CBFA2T3: variants seen among roughly 807,000 people sequenced by gnomAD.
The protein encoded by CBFA2T3 is transcriptional corepressor CBFA2T3.
CBFA2T3 carries 31 observed loss-of-function variants against 58.6 expected under a neutral mutation model. The observed-to-expected ratio is 0.53, with a 90% CI of 0.40 to 0.71. The LOEUF is 0.71. Among genes scored for constraint, CBFA2T3 ranks in the 30% least tolerant of loss-of-function variants. The pLI, the probability that CBFA2T3 is intolerant of heterozygous loss-of-function variation, is 0.00. For missense variants in CBFA2T3, 1,076 were observed against 963.1 expected, an observed-to-expected ratio of 1.12 and a Z score of -1.55; for synonymous variants, 531 against 421.9, an observed-to-expected ratio of 1.26 and a Z score of -3.17.
intron 1 of CBFA2T3, among the ~76,000 whole-genome samples, chr16:88,918,094 T>G (rs923160210): frequency 2.0e-5 from 3 of 152,126 alleles, no homozygotes; most frequent in African/African-American, 7.2e-5. Flanking sequence ...GTGCAGGAAG[T>G]GGCCCCCATG....
chr16:88,912,430 C>T (rs997282253), intron 1 of CBFA2T3, among the ~76,000 whole-genome samples: 6 of 152,222 alleles, frequency 3.9e-5, no homozygotes, highest in African/African-American at 1.4e-4. Flanking sequence ...GGCCTCAGGG[C>T]CTTGGCTCCT....
chr16:88,927,436 A>G (rs1435287657), intron 1 of CBFA2T3, among the ~76,000 whole-genome samples: 1 of 152,152 alleles, frequency 6.6e-6, no homozygotes, highest in Non-Finnish European at 1.5e-5. Flanking sequence ...TGGGTGTCTG[A>G]ATCCTGCCGG....
At chr16:88,883,190 A>C in intron 7 of CBFA2T3, 1 of 256,040 alleles carries the variant, frequency 3.9e-6, no homozygotes. Context: ...AGGATGCCTC[A>C]GTGCCAAGTC....
In CBFA2T3 at chr16:88,902,224, G is replaced by C. The variant is rs115932621; in HGVS notation, c.152-568C>G. ...GGGGGCGGGGGACGGTGTCTGCCCA[G>C]GGAGAGGCCGGCAGGCAGGCCATTT... On this transcript the variant is annotated intron_variant, in intron 1 of 11. Transcript: ENST00000268679. 1.3e-5 allele frequency among the ~76,000 whole-genome samples: 2 copies of C among 152,294 alleles called. 1 individual carries two copies. Among genetic ancestry groups the C allele is most frequent in the South Asian group, 4.1e-4 (2 of 4,830 alleles).
rs1238030723 is a variant in CBFA2T3 at position 88,892,338 on chromosome 16, T to C, written c.527A>G (p.Lys176Arg). The C allele has an allele frequency of 6.2e-7, 1 of 1,613,288 alleles. No individual in the cohort carries two copies. The highest frequency in any genetic ancestry group is 1.7e-5 in the Admixed American group (1 of 59,996). Residue 176 changes from lysine (K) to arginine (R), a missense_variant, in exon 4 of 12, where the codon AAG (lysine) becomes AGG (arginine). Coordinates refer to ENST00000268679, the MANE Select transcript of CBFA2T3 (RefSeq NM_005187.6). ...PPACGARQLS[K>R]LKRFLTTLQQ... ...CAGTGTGGTGAGGAAGCGCTTGAGC[T>C]TGCTGAGCTGCCGGGCCCCGCAGGC... is the stretch of plus-strand genomic sequence containing the variant.
intron 9 of CBFA2T3, 149 bp from the exon 10 acceptor site, chr16:88,880,937 C>G (rs1567573465): frequency 2.4e-5 from 18 of 751,590 alleles, no homozygotes; most frequent in Middle Eastern, 3.6e-4. Flanking sequence ...CAAGGTCTGG[C>G]TCAGGCACCC....
At chr16:88,941,127 G>C in intron 1 of CBFA2T3, 1 of 984,142 alleles carries the variant, frequency 1.0e-6, no homozygotes, top group Non-Finnish European at 1.2e-6. Flanking sequence ...CGACTCAGGG[G>C]CGGCTGCGCG....
chr16:88,933,293 G>A (rs906301300), intron 1 of CBFA2T3, among the ~76,000 whole-genome samples: 3 of 150,220 alleles, frequency 2.0e-5, no homozygotes, highest in South Asian at 2.1e-4. Context: ...CTCTGCACAC[G>A]TCACGTGCCT....
At chr16:88,895,176 G>A (rs1209389132) in intron 3 of CBFA2T3, among the ~76,000 whole-genome samples, 1 of 152,212 alleles carries the variant, frequency 6.6e-6, no homozygotes, top group African/African-American at 2.4e-5. Context: ...GGCCTGGACT[G>A]GAAGGGGCCG....
Position 88,875,612 on chromosome 16 carries a change from C to G in CBFA2T3, c.*1364G>C. The G allele has an allele frequency of 4.3e-6, 1 of 232,404 alleles. No homozygotes were observed. 14.4% of individuals were successfully genotyped at this position (232,404 alleles called of 1,614,324 possible). A position where few individuals can be genotyped will look rare whatever the true frequency, so the allele number is the denominator to read the frequency against. ...TTGGGGCGATGGGGCTGAGAGAGGT[C>G]GGAGCTGGGGTGAGGGGGCCGAGAG... On this transcript the variant is annotated 3_prime_UTR_variant, in exon 12 of 12. Transcript: ENST00000268679.
At position 88,904,360 on chromosome 16, in the gene CBFA2T3, T is replaced by G. The variant is rs550206662; in HGVS notation, c.152-2704A>C. Among the ~76,000 whole-genome samples, 309 of 152,010 alleles carry G rather than the reference T, an allele frequency of 2.0e-3. 1 individual carries two copies. Among genetic ancestry groups the G allele is most frequent in the African/African-American group, 7.0e-3 (291 of 41,466 alleles). Reference sequence around the variant, plus strand: ...GGCTGATGCTGCCATCAGCCCATTTTACTAGGACGGACCAGGCTCGGAGAG... The same window carrying G: ...GGCTGATGCTGCCATCAGCCCATTTGACTAGGACGGACCAGGCTCGGAGAG... On this transcript the variant is annotated intron_variant, in intron 1 of 11. Coordinates refer to ENST00000268679, the MANE Select transcript of CBFA2T3 (RefSeq NM_005187.6).
chr16:88,944,164 T>C (rs1445136064), intron 1 of CBFA2T3, among the ~76,000 whole-genome samples: 6 of 151,900 alleles, frequency 3.9e-5, no homozygotes, highest in African/African-American at 1.2e-4. Context: ...AGTGAAACCC[T>C]GTCTCTACTA....
At chr16:88,942,589 G>A (rs1337031119) in intron 1 of CBFA2T3, among the ~76,000 whole-genome samples, 1 of 152,178 alleles carries the variant, frequency 6.6e-6, no homozygotes, top group African/African-American at 2.4e-5. Context: ...CCCAGAACGG[G>A]GGCTCCGTGA....
At chr16:88,897,119 C>T (rs764558023) in intron 3 of CBFA2T3, among the ~76,000 whole-genome samples, 4 of 152,226 alleles carry the variant, frequency 2.6e-5, no homozygotes, top group Non-Finnish European at 4.4e-5. Flanking sequence ...TCCTGTCACC[C>T]CTGCTCCTTG....
chr16:88,923,125 C>T (rs981709266), intron 1 of CBFA2T3, among the ~76,000 whole-genome samples: 22 of 152,308 alleles, frequency 1.4e-4, no homozygotes, highest in African/African-American at 4.3e-4. Flanking sequence ...GGGAGAGACG[C>T]GGGGGAGTTT....
chr16:88,886,079 CG>C lies in CBFA2T3; in HGVS notation c.774del (p.Ala259ProfsTer63). The C allele has an allele frequency of 6.3e-7, 1 of 1,590,722 alleles. No homozygotes were observed. Reference protein sequence around the residue: ...LHCARLAKQTPAQYLAQHEQL... With the variant: ...LHCARLAKQTXAQYLAQHEQL... Reference sequence around the variant, plus strand: ...TGCTCATGCTGGGCCAAGTACTGGGCGGGCGTCTGCTTGGCCAGGCGTGCAC... The same window carrying C: ...TGCTCATGCTGGGCCAAGTACTGGGCGGCGTCTGCTTGGCCAGGCGTGCAC... On this transcript the variant is annotated frameshift_variant, in exon 6 of 12. Transcript: ENST00000268679. LOFTEE classifies it high-confidence loss of function.
At chr16:88,891,224 T>A (rs958474975) in intron 5 of CBFA2T3, among the ~76,000 whole-genome samples, 5 of 152,042 alleles carry the variant, frequency 3.3e-5, no homozygotes, top group Non-Finnish European at 4.4e-5. Flanking sequence ...CCAGTCACAC[T>A]GACCCCTCTG....
intron 3 of CBFA2T3, among the ~76,000 whole-genome samples, chr16:88,894,879 C>T (rs1969824921): frequency 1.3e-5 from 2 of 152,360 alleles, no homozygotes; most frequent in Admixed American, 6.5e-5. Context: ...GGAGACGCCC[C>T]TGGGCTGGGC....
intron 3 of CBFA2T3, among the ~76,000 whole-genome samples, chr16:88,895,604 T>TA (rs1375482081): frequency 6.6e-6 from 1 of 152,028 alleles, no homozygotes; most frequent in African/African-American, 2.4e-5. Flanking sequence ...GCTCTGGATG[T>TA]TCTTGGTGGA....
Sources: gnomAD v4.1 joint callset for allele counts (sites outside exome capture counted in the v4.1 genomes callset) on GRCh38, gnomAD v4.1.1 for gene constraint, MANE v1.5 for transcripts, NCBI Gene and HGNC (gene_info 2026-07-23, HGNC 2026-07-21) for gene names.